Variants in GPBP1L1 observed in about 807,000 individuals in gnomAD.
GPBP1L1 encodes the protein GC-rich promoter binding protein 1 like 1.
In GPBP1L1, 23 loss-of-function variants were observed where a neutral mutation model predicts 52.5. That is an observed-to-expected ratio of 0.44 (90% CI 0.32 to 0.62). The LOEUF (loss-of-function observed/expected upper bound fraction) is 0.62. Ranked by LOEUF, GPBP1L1 falls within the 20% of genes least tolerant of loss-of-function variation. GPBP1L1 has a pLI of 0.06. For missense variants in GPBP1L1, 596 were observed against 579.3 expected (o/e 1.03, Z -0.30); for synonymous variants, 243 against 203.1 (o/e 1.20, Z -1.67).
chr1:45,644,080 A>G (rs915421478), intron 6 of GPBP1L1, among the ~76,000 whole-genome samples: 1 of 152,216 alleles, frequency 6.6e-6, no homozygotes, highest in Non-Finnish European at 1.5e-5. Context: ...GGCCTCTAGC[A>G]GGTATGTATT....
chr1:45,630,622 G>C lies in GPBP1L1; in HGVS notation c.1045-16C>G. 2 of 1,613,464 alleles carry C rather than the reference G, an allele frequency of 1.2e-6. No homozygotes were observed. ...TGTCCTCCAACTGCAATAAGGAAAAGGAAGGACACAGTTGGTTTAAGGTTC... is the reference window on the plus strand; with the variant it reads ...TGTCCTCCAACTGCAATAAGGAAAACGAAGGACACAGTTGGTTTAAGGTTC... On this transcript the variant is annotated splice_polypyrimidine_tract_variant and intron_variant, in intron 10 of 12. Coordinates refer to ENST00000355105, the MANE Select transcript of GPBP1L1 (RefSeq NM_021639.5).
rs768126250 is a variant in GPBP1L1, at chr1:45,634,151, G to C, written c.830C>G (p.Ser277Cys). ...AGCCAGTACCACTGGTTTGGTAACA[G>C]AGATTGGACTGGTAAAAGCAGACTC... Reference protein sequence around the residue: ...SRESAFTSPISVTKPVVLASG... With the variant: ...SRESAFTSPICVTKPVVLASG... The change falls in exon 9 of 13, where the codon TCT becomes TGT. Residue 277 changes from serine (S) to cysteine (C), a missense_variant. Ser to Cys is a moderately radical substitution (Grantham distance 112, BLOSUM62 -1). Coordinates refer to ENST00000355105, the MANE Select transcript of GPBP1L1 (RefSeq NM_021639.5). 2.5e-6 allele frequency: 4 copies of C among 1,614,112 alleles called. No homozygotes were observed. The South Asian group carries it at 4.4e-5, about 18-fold the overall frequency.
At chr1:45,646,107 G>A in intron 6 of GPBP1L1, 1 of 441,692 alleles carries the variant, frequency 2.3e-6, no homozygotes, top group Non-Finnish European at 4.4e-6. Context: ...AATGACTTTG[G>A]AGCATGGCCT....
chr1:45,670,384 T>C (rs539367875), intron 2 of GPBP1L1, among the ~76,000 whole-genome samples: 1 of 152,350 alleles, frequency 6.6e-6, no homozygotes, highest in Non-Finnish European at 1.5e-5. Flanking sequence ...CTTTTTCCAC[T>C]TCATGGGTTA....
intron 10 of GPBP1L1, among the ~76,000 whole-genome samples, chr1:45,632,272 A>T (rs560863743): frequency 6.6e-6 from 1 of 151,846 alleles, no homozygotes; most frequent in East Asian, 2.0e-4. Flanking sequence ...ATGTGGTGGC[A>T]CATGCCTGTA....
chr1:45,684,444 A>C (rs1189660158), intron 2 of GPBP1L1, among the ~76,000 whole-genome samples: 1 of 152,098 alleles, frequency 6.6e-6, no homozygotes, highest in African/African-American at 2.4e-5. Context: ...ATTAAAAATG[A>C]ATTACAAGCA....
At chr1:45,643,476 A>G (rs1013777050) in intron 6 of GPBP1L1, among the ~76,000 whole-genome samples, 12 of 152,140 alleles carry the variant, frequency 7.9e-5, no homozygotes, top group African/African-American at 2.9e-4. Context: ...AACATCAACT[A>G]AGAGACCATT....
At chr1:45,684,688 AAATC>A (rs1234447668) in intron 2 of GPBP1L1, among the ~76,000 whole-genome samples, 1 of 152,138 alleles carries the variant, frequency 6.6e-6, no homozygotes, top group African/African-American at 2.4e-5. Flanking sequence ...CCCCCCCAAA[AAATC>A]AATATCTCAC....
At chr1:45,658,118 T>C (rs1206322373) in intron 4 of GPBP1L1, among the ~76,000 whole-genome samples, 1 of 152,210 alleles carries the variant, frequency 6.6e-6, no homozygotes, top group Non-Finnish European at 1.5e-5. Flanking sequence ...CTTTAATCTA[T>C]ATAAACTGGT....
chr1:45,641,161 A>G (rs1328851576), intron 7 of GPBP1L1, among the ~76,000 whole-genome samples: 8 of 152,216 alleles, frequency 5.3e-5, no homozygotes, highest in Non-Finnish European at 1.0e-4. Flanking sequence ...CACCATTAGC[A>G]AAGAGGAGAA....
rs59130672 is a variant in GPBP1L1, at chr1:45,674,555, G to A, written c.-1098+11021C>T. Among the ~76,000 whole-genome samples, 770 of 152,310 alleles carry A rather than the reference G, an allele frequency of 5.1e-3. 7 individuals are homozygous for A. Among genetic ancestry groups the A allele is most frequent in the African/African-American group, 0.017 (725 of 41,542 alleles). On this transcript the variant is annotated intron_variant, in intron 2 of 12. Transcript: ENST00000355105. Reference sequence around the variant, plus strand: ...TAAGATTGTTCAACTTTACAATATTGTGAGGTGAGAAAGCAACTCAACAGA... The same window carrying A: ...TAAGATTGTTCAACTTTACAATATTATGAGGTGAGAAAGCAACTCAACAGA...
At chr1:45,631,237 C>CATTT (rs146432219) in intron 10 of GPBP1L1, among the ~76,000 whole-genome samples, 5 of 152,078 alleles carry the variant, frequency 3.3e-5, no homozygotes, top group East Asian at 1.9e-4. Flanking sequence ...TTGGGTATGA[C>CATTT]ATTTATTTAT....
intron 6 of GPBP1L1, among the ~76,000 whole-genome samples, chr1:45,648,243 G>A (rs909607658): frequency 1.3e-5 from 2 of 152,058 alleles, no homozygotes; most frequent in Non-Finnish European, 2.9e-5. Context: ...CTGTGACTAC[G>A]TGCTATTTCT....
chr1:45,685,916 A>C (rs1419322513), intron 1 of GPBP1L1, among the ~76,000 whole-genome samples: 1 of 152,240 alleles, frequency 6.6e-6, no homozygotes, highest in Non-Finnish European at 1.5e-5. Flanking sequence ...ACACCTCGCT[A>C]CCACAGAGAA....
chr1:45,676,770 T>G (rs1253821229), intron 2 of GPBP1L1, among the ~76,000 whole-genome samples: 2 of 151,064 alleles, frequency 1.3e-5, no homozygotes, highest in African/African-American at 2.4e-5. Context: ...TCCCAGCTAC[T>G]TGGGAAGCTG....
At chr1:45,640,434 A>G (rs1184738060) in intron 7 of GPBP1L1, 31 bp from the exon 8 acceptor site, 1 of 1,553,380 alleles carries the variant, frequency 6.4e-7, no homozygotes, top group Non-Finnish European at 8.9e-7. Context: ...GAGACAACAG[A>G]ATGTCAAACC....
intron 8 of GPBP1L1, chr1:45,634,504 G>A (rs780297160): frequency 1.6e-5 from 5 of 313,778 alleles, no homozygotes; most frequent in South Asian, 2.6e-4. Context: ...AGTTTGGGAG[G>A]TGCCGGGGTG....
In GPBP1L1 at chr1:45,654,286, A is replaced by G. The variant is rs77527942; in HGVS notation, c.477+257T>C. 4.5e-3 allele frequency: 1,435 copies of G among 317,314 alleles called. 22 individuals carry two copies. Among genetic ancestry groups the G allele is most frequent in the East Asian group, 0.036 (629 of 17,250 alleles). The allele number at this position is 317,314 out of a possible 1,614,324, so 19.7% of individuals were successfully genotyped here. ...ACATAATTATATTTGAGTAAACTTT[A>G]TAAGACTTAAGAGAAATTAAATATT... On this transcript the variant is annotated intron_variant, in intron 6 of 12. Transcript: ENST00000355105.
chr1:45,665,807 C>T (rs1382992938), intron 2 of GPBP1L1, among the ~76,000 whole-genome samples: 1 of 150,546 alleles, frequency 6.6e-6, no homozygotes, highest in Non-Finnish European at 1.5e-5. Context: ...TACTTCTTTT[C>T]CACCTGTTAC....
Sources: allele counts gnomAD v4.1 joint callset (sites outside exome capture counted in the v4.1 genomes callset), GRCh38; gene constraint gnomAD v4.1.1; transcripts MANE v1.5; gene names NCBI Gene and HGNC (gene_info 2026-07-23, HGNC 2026-07-21).